Variants in EDA observed in about 807,000 individuals in gnomAD.
The protein encoded by EDA is ectodysplasin-A.
In EDA, 2 loss-of-function variants were observed where a neutral mutation model predicts 23.6. The observed-to-expected ratio is 0.08, with a 90% confidence interval of 0.03 to 0.27. The LOEUF (loss-of-function observed/expected upper bound fraction) is 0.27, where lower values mean the gene tolerates loss of function less well. Ranked by LOEUF, EDA falls within the 10% of genes least tolerant of loss-of-function variation. The pLI, the probability that EDA is intolerant of heterozygous loss-of-function variation, is 1.00. For missense variants in EDA, 229 were observed against 324.2 expected, an observed-to-expected ratio of 0.71 and a Z score of 2.26; for synonymous variants, 131 against 132.0, an observed-to-expected ratio of 0.99 and a Z score of 0.05.
intron 1 of EDA, among the ~76,000 whole-genome samples, chrX:69,938,416 A>G (rs1285690359): frequency 8.9e-6 from 1 of 112,222 alleles, no homozygotes; most frequent in Non-Finnish European, 1.9e-5. Context: ...CTTTTGAGAA[A>G]TGTCTATTCA....
chrX:69,860,124 G>A (rs1409986998), intron 1 of EDA, among the ~76,000 whole-genome samples: 1 of 111,065 alleles, frequency 9.0e-6, no homozygotes, highest in Non-Finnish European at 1.9e-5. Context: ...GTATGCCATT[G>A]CATGTGAGAT....
intron 1 of EDA, among the ~76,000 whole-genome samples, chrX:69,691,727 T>C (rs748345550): frequency 1.8e-5 from 2 of 111,762 alleles, no homozygotes; most frequent in East Asian, 2.8e-4. Flanking sequence ...CAGATAACTT[T>C]AACATTTCTG....
chrX:69,760,598 C>T (rs1049734226), intron 1 of EDA, among the ~76,000 whole-genome samples: 22 of 112,043 alleles, frequency 2.0e-4, no homozygotes, highest in African/African-American at 6.8e-4. Flanking sequence ...CTTATTCCAG[C>T]AAGGATATCA....
At chrX:69,738,889 G>T (rs762197246) in intron 1 of EDA, among the ~76,000 whole-genome samples, 35 of 110,838 alleles carry the variant, frequency 3.2e-4, no homozygotes, top group African/African-American at 1.0e-3. Flanking sequence ...ATTTATTGAG[G>T]ATTGTTTTAT....
At chrX:69,719,313 T>G (rs2147341357) in intron 1 of EDA, among the ~76,000 whole-genome samples, 1 of 111,378 alleles carries the variant, frequency 9.0e-6, no homozygotes, top group East Asian at 2.8e-4. Context: ...TTCCTCATAG[T>G]TTCTTTATAA....
At chrX:69,876,454 G>T (rs1379397506) in intron 1 of EDA, among the ~76,000 whole-genome samples, 3 of 110,169 alleles carry the variant, frequency 2.7e-5, no homozygotes, top group African/African-American at 9.9e-5. Flanking sequence ...AATAAAAAAA[G>T]AATAAAAATA....
intron 2 of EDA, among the ~76,000 whole-genome samples, chrX:70,001,551 G>A (rs750837395): frequency 1.5e-4 from 17 of 111,684 alleles, no homozygotes; most frequent in Non-Finnish European, 3.0e-4. Flanking sequence ...GTAAGACAGG[G>A]TAGCTCTGAT....
At chrX:69,937,644 T>A in intron 1 of EDA, 1 of 1,109,056 alleles carries the variant, frequency 9.0e-7, no homozygotes. Flanking sequence ...CTCATCATGT[T>A]TTTTAAACTG....
At chrX:69,989,640 T>A (rs2019554132) in intron 2 of EDA, among the ~76,000 whole-genome samples, 1 of 111,056 alleles carries the variant, frequency 9.0e-6, no homozygotes, top group Non-Finnish European at 1.9e-5. Flanking sequence ...AACACAGAAA[T>A]ATATATATAA....
chrX:69,669,119 G>A (rs1316424361), intron 1 of EDA, among the ~76,000 whole-genome samples: 3 of 111,250 alleles, frequency 2.7e-5, no homozygotes, highest in Non-Finnish European at 5.7e-5. Flanking sequence ...GTTACCATTT[G>A]TGTAGAATAG....
chrX:69,721,215 G>T (rs772511315), intron 1 of EDA, among the ~76,000 whole-genome samples: 2 of 111,772 alleles, frequency 1.8e-5, no homozygotes, highest in Non-Finnish European at 3.8e-5. Flanking sequence ...AGAAGGAAGG[G>T]CATGGTGGGA....
chrX:69,846,482 A>G (rs1302667518), intron 1 of EDA, among the ~76,000 whole-genome samples: 1 of 110,834 alleles, frequency 9.0e-6, no homozygotes, highest in Non-Finnish European at 1.9e-5. Context: ...TTTATTAGAG[A>G]CAGGGTTTCA....
At chrX:69,888,550 A>G (rs1041452304) in intron 1 of EDA, among the ~76,000 whole-genome samples, 1 of 109,429 alleles carries the variant, frequency 9.1e-6, no homozygotes, top group African/African-American at 3.3e-5. Flanking sequence ...TCTGCCCACA[A>G]GAGACTCATT....
intron 1 of EDA, among the ~76,000 whole-genome samples, chrX:69,887,575 T>C (rs1333227985): frequency 1.8e-5 from 2 of 111,611 alleles, no homozygotes; most frequent in East Asian, 2.8e-4. Flanking sequence ...ACCCCCCAGA[T>C]TTATGAAGCT....
intron 1 of EDA, among the ~76,000 whole-genome samples, chrX:69,871,781 T>G (rs1157421513): frequency 8.9e-6 from 1 of 112,337 alleles, no homozygotes; most frequent in Non-Finnish European, 1.9e-5. Flanking sequence ...AATAACTGGC[T>G]TTCTGAGGAA....
chrX:69,838,887 A>T (rs182618197), intron 1 of EDA, among the ~76,000 whole-genome samples: 1 of 112,046 alleles, frequency 8.9e-6, no homozygotes, highest in Admixed American at 9.5e-5. Flanking sequence ...GTTTTTCCCA[A>T]TCCAAATTTG....
intron 2 of EDA, among the ~76,000 whole-genome samples, chrX:69,977,598 A>G (rs1168806949): frequency 8.9e-6 from 1 of 112,508 alleles, no homozygotes. Context: ...TTCTTCAAAG[A>G]TCACACAAAA....
chrX:69,989,316 A>G (rs1222905285), intron 2 of EDA, among the ~76,000 whole-genome samples: 1 of 111,732 alleles, frequency 8.9e-6, no homozygotes, highest in South Asian at 3.7e-4. Flanking sequence ...TGCAACAGGA[A>G]AGTGTGAGTC....
chrX:69,978,466 G>A (rs1233079161), intron 2 of EDA, among the ~76,000 whole-genome samples: 1 of 92,332 alleles, frequency 1.1e-5, no homozygotes, highest in Non-Finnish European at 2.1e-5. Flanking sequence ...TTGCATCACT[G>A]CACTCCATCC....
Sources: gnomAD v4.1 joint callset for allele counts (sites outside exome capture counted in the v4.1 genomes callset) on GRCh38, gnomAD v4.1.1 for gene constraint, MANE v1.5 for transcripts, NCBI Gene and HGNC (gene_info 2026-07-23, HGNC 2026-07-21) for gene names.